Variants in MPDZ observed in about 807,000 individuals in gnomAD.
MPDZ encodes the protein multiple PDZ domain crumbs cell polarity complex component, also known as multiple PDZ domain protein.
Under a neutral mutation model 239.1 loss-of-function variants are expected in MPDZ, and 234 were observed. The ratio of observed to expected loss-of-function variants is 0.98; its 90% CI spans 0.88 to 1.09. The LOEUF (loss-of-function observed/expected upper bound fraction) is 1.09, where lower values mean the gene tolerates loss of function less well. Among genes scored for constraint, MPDZ ranks in the 50% least tolerant of loss-of-function variants. The pLI, the probability that MPDZ is intolerant of heterozygous loss-of-function variation, is 0.00. For missense variants in MPDZ, 3,175 were observed against 2,510.0 expected (o/e 1.26, Z -5.66); for synonymous variants, 1,048 against 881.3 (o/e 1.19, Z -3.35).
intron 30 of MPDZ, among the ~76,000 whole-genome samples, 198 bp downstream of exon 30, chr9:13,136,514 G>C (rs1052539550): frequency 6.6e-6 from 1 of 151,140 alleles, no homozygotes; most frequent in Admixed American, 6.6e-5. Flanking sequence ...TTTTAGTAGA[G>C]ACGGGATTTC....
At position 13,206,104 on chromosome 9, in the gene MPDZ, G is replaced by T; in HGVS notation, c.1291-5C>A. ...CTGAAGGTTTGTGCCATCTACCTGT[G>T]ATTAAAAAAAAAAAAAAGCATGTTA... On this transcript the variant is annotated splice_region_variant and splice_polypyrimidine_tract_variant and intron_variant, in intron 10 of 46. Coordinates refer to ENST00000319217, the MANE Select transcript of MPDZ (RefSeq NM_001378778.1). 5 of 1,528,136 alleles carry T rather than the reference G, an allele frequency of 3.3e-6. No homozygotes were observed. The highest frequency in any genetic ancestry group is 2.3e-5 in the East Asian group (1 of 42,568). The allele number at this position is 1,528,136 out of a possible 1,614,324, so 94.7% of individuals were successfully genotyped here.
chr9:13,127,081 T>A (rs1945231384), intron 32 of MPDZ, among the ~76,000 whole-genome samples: 1 of 152,192 alleles, frequency 6.6e-6, no homozygotes, highest in Non-Finnish European at 1.5e-5. Flanking sequence ...ACCAAAACAT[T>A]CAGCATTTAC....
At position 13,233,088 on chromosome 9, in the gene MPDZ, C is replaced by A. The variant is rs186774547; in HGVS notation, c.184-8505G>T. Among the ~76,000 whole-genome samples the A allele has an allele frequency of 3.4e-3, 519 of 152,188 alleles. 2 individuals carry two copies. The highest frequency in any genetic ancestry group is 0.012 in the African/African-American group (496 of 41,552). The stretch of plus-strand genomic sequence containing the variant: ...ATGTGGAGCCACAAGAACTTTCATA[C>A]ACTAAATATCGTGAGAGAGTTGGAC... On this transcript the variant is annotated intron_variant, in intron 3 of 46. Coordinates refer to ENST00000319217, the MANE Select transcript of MPDZ (RefSeq NM_001378778.1).
At chr9:13,242,478 C>G (rs1965657847) in intron 3 of MPDZ, among the ~76,000 whole-genome samples, 1 of 151,790 alleles carries the variant, frequency 6.6e-6, no homozygotes, top group African/African-American at 2.4e-5. Flanking sequence ...ATCCGCCTGC[C>G]TTGGCCACTG....
intron 15 of MPDZ, 73 bp from the exon 16 acceptor site, chr9:13,190,372 A>T: frequency 4.0e-6 from 5 of 1,253,424 alleles, no homozygotes; most frequent in Non-Finnish European, 5.1e-6. Flanking sequence ...CTACAAGAAA[A>T]GGGATATTCC....
chr9:13,171,854 T>C (rs113623228), intron 21 of MPDZ, among the ~76,000 whole-genome samples: 17 of 152,202 alleles, frequency 1.1e-4, no homozygotes, highest in African/African-American at 2.4e-4. Context: ...CAACTGCATA[T>C]AGCTGATTAA....
chr9:13,200,833 A>T (rs1956295591), intron 12 of MPDZ, among the ~76,000 whole-genome samples: 1 of 152,064 alleles, frequency 6.6e-6, no homozygotes, highest in Non-Finnish European at 1.5e-5. Context: ...GACCTAATAT[A>T]TGGTCTAGCC....
At chr9:13,136,673 C>A (rs1381560369) in intron 30 of MPDZ, 39 bp downstream of exon 30, 1 of 1,296,396 alleles carries the variant, frequency 7.7e-7, no homozygotes. Context: ...GAAATGCTAA[C>A]AAAAAGTATT....
chr9:13,222,577 G>T, intron 5 of MPDZ, 131 bp from the exon 6 acceptor site: 2 of 716,720 alleles, frequency 2.8e-6, no homozygotes, highest in South Asian at 1.9e-5. Flanking sequence ...TTTTCCTGCA[G>T]TTCTACTTTA....
At chr9:13,147,875 G>A (rs575643458) in intron 25 of MPDZ, among the ~76,000 whole-genome samples, 2 of 152,090 alleles carry the variant, frequency 1.3e-5, no homozygotes, top group East Asian at 3.9e-4. Flanking sequence ...CCAATAATCA[G>A]TTCAAGACAT....
In MPDZ at chr9:13,119,148, C is replaced by T. The variant is rs62532652; in HGVS notation, c.5379+354G>A. Among the ~76,000 whole-genome samples, 1,101 of 152,216 alleles carry T rather than the reference C, an allele frequency of 7.2e-3. 9 individuals are homozygous for T. Among genetic ancestry groups the T allele is most frequent in the Non-Finnish European group, 0.011 (745 of 68,014 alleles). ...TTTTTTTGAGACAGGGTTTCTGTCA[C>T]CTAAGCTGGAATTCAGTGGTGTGAC... On this transcript the variant is annotated intron_variant, in intron 39 of 46. Transcript: ENST00000319217.
intron 12 of MPDZ, among the ~76,000 whole-genome samples, chr9:13,199,667 T>C (rs985217203): frequency 3.3e-5 from 5 of 152,124 alleles, no homozygotes; most frequent in African/African-American, 7.2e-5. Context: ...TTCTGAGGCA[T>C]GTTCTTTCTA....
intron 1 of MPDZ, among the ~76,000 whole-genome samples, chr9:13,268,214 T>C (rs879555677): frequency 5.3e-5 from 8 of 151,684 alleles, no homozygotes; most frequent in Non-Finnish European, 8.8e-5. Flanking sequence ...ATGGTACTTA[T>C]AATACATCCC....
In MPDZ at chr9:13,266,813, C is replaced by G. The variant is rs10511578; in HGVS notation, c.-58+12587G>C. Among the ~76,000 whole-genome samples the G allele has an allele frequency of 5.6e-3, 852 of 152,224 alleles. 22 individuals carry two copies. Among genetic ancestry groups the G allele is most frequent in the East Asian group, 0.041 (213 of 5,176 alleles). On this transcript the variant is annotated intron_variant, in intron 1 of 46. Transcript: ENST00000319217. Reference sequence around the variant, plus strand: ...TTCATGCAAAAGTAATCTCATTCAGCTACTCAAGGATTTGGGGGCAGAGAA... The same window carrying G: ...TTCATGCAAAAGTAATCTCATTCAGGTACTCAAGGATTTGGGGGCAGAGAA...
chr9:13,266,583 A>C, intron 1 of MPDZ, among the ~76,000 whole-genome samples: 1 of 152,180 alleles, frequency 6.6e-6, no homozygotes, highest in East Asian at 1.9e-4. Context: ...GATGTAAGAA[A>C]ATTTTGTAAG....
intron 1 of MPDZ, among the ~76,000 whole-genome samples, chr9:13,271,649 T>C (rs975582154): frequency 6.6e-6 from 1 of 152,224 alleles, no homozygotes; most frequent in African/African-American, 2.4e-5. Context: ...TCTGTTAGTT[T>C]TAATTCACAG....
intron 10 of MPDZ, among the ~76,000 whole-genome samples, chr9:13,211,241 A>C (rs1367054852): frequency 1.3e-5 from 2 of 152,150 alleles, no homozygotes; most frequent in Non-Finnish European, 2.9e-5. Flanking sequence ...AGACTTGCCT[A>C]AGAGTTCTTC....
At chr9:13,214,457 GT>G in intron 10 of MPDZ, among the ~76,000 whole-genome samples, 1 of 151,972 alleles carries the variant, frequency 6.6e-6, no homozygotes, top group Non-Finnish European at 1.5e-5. Context: ...TACTGAAAAT[GT>G]TTTTAGGGTT....
intron 3 of MPDZ, among the ~76,000 whole-genome samples, chr9:13,234,025 C>CT (rs1963274552): frequency 1.3e-4 from 1 of 7,640 alleles, no homozygotes; most frequent in Admixed American, 2.6e-3. Flanking sequence ...TTAGATTTGT[C>CT]TTCCCAAATA....
Sources: allele counts gnomAD v4.1 joint callset (sites outside exome capture counted in the v4.1 genomes callset), GRCh38; gene constraint gnomAD v4.1.1; transcripts MANE v1.5; gene names NCBI Gene and HGNC (gene_info 2026-07-23, HGNC 2026-07-21).